NLRP14: variants seen among roughly 807,000 people sequenced by gnomAD.
NLRP14 encodes NACHT, LRR and PYD domains-containing protein 14.
In NLRP14, 105 loss-of-function variants were observed where a neutral mutation model predicts 94.7. That is an observed-to-expected ratio of 1.11 (90% CI 0.95 to 1.30). The LOEUF is 1.30. Among genes scored for constraint, NLRP14 ranks in the 50% most tolerant of loss-of-function variants. The probability of loss-of-function intolerance (pLI) is 0.00; values close to 1 mark genes in which losing one functional copy is unlikely to be tolerated. For synonymous variants in NLRP14, 508 were observed against 459.9 expected (o/e 1.10, Z -1.34); for missense variants, 1,362 against 1,254.1 (o/e 1.09, Z -1.30).
At chr11:7,066,279 G>A (rs573136195) in intron 10 of NLRP14, among the ~76,000 whole-genome samples, 14 of 152,200 alleles carry the variant, frequency 9.2e-5, no homozygotes, top group East Asian at 1.9e-4. Context: ...TTGAGGTATC[G>A]CCACACTGTC....
At chr11:7,036,235 T>C (rs1041853644) in intron 1 of NLRP14, among the ~76,000 whole-genome samples, 1 of 152,224 alleles carries the variant, frequency 6.6e-6, no homozygotes, top group Non-Finnish European at 1.5e-5. Flanking sequence ...TTTGAATGAA[T>C]GAATGCCTTC....
chr11:7,052,757 A>G (rs1852459096), intron 6 of NLRP14, among the ~76,000 whole-genome samples: 1 of 152,264 alleles, frequency 6.6e-6, no homozygotes, highest in African/African-American at 2.4e-5. Flanking sequence ...ATGGACCAAT[A>G]GAAATTTTTG....
rs1159568805 is a variant in NLRP14 at position 7,042,556 on chromosome 11, A to G, written c.530A>G (p.Gln177Arg). Residue 177 changes from glutamine to arginine, a missense_variant, in exon 4 of 12, where the codon CAG becomes CGG. Physicochemically the swap from Gln to Arg is conservative, Grantham distance 43 (BLOSUM62 1). Transcript: ENST00000299481. ...GATGTCAAAACCGGTGCACAGCCAC[A>G]GATCGTGGTGCTTCAGGGAGCTGCT... ...DVDVKTGAQP[Q>R]IVVLQGAAGV... The G allele has an allele frequency of 6.2e-7, 1 of 1,614,236 alleles. No individual in the cohort carries two copies.
chr11:7,055,072 CAT>C (rs749950130), intron 6 of NLRP14, among the ~76,000 whole-genome samples: 8 of 152,068 alleles, frequency 5.3e-5, no homozygotes, highest in Non-Finnish European at 8.8e-5. Context: ...TCCTTTCCAC[CAT>C]ATGTGTTCTT....
intron 10 of NLRP14, 79 bp from the exon 11 acceptor site, chr11:7,070,207 C>T (rs1184330450): frequency 9.8e-7 from 1 of 1,017,546 alleles, no homozygotes; most frequent in African/African-American, 1.6e-5. Context: ...ATCCTCCATT[C>T]TGAGTTCACA....
At chr11:7,052,222 G>T (rs1259165482) in intron 6 of NLRP14, among the ~76,000 whole-genome samples, 1 of 152,158 alleles carries the variant, frequency 6.6e-6, no homozygotes, top group East Asian at 1.9e-4. Context: ...AATGATTGTT[G>T]CTTCCACAAA....
chr11:7,026,143 A>G (rs1852011385), intron 1 of NLRP14, among the ~76,000 whole-genome samples: 1 of 152,240 alleles, frequency 6.6e-6, no homozygotes, highest in African/African-American at 2.4e-5. Flanking sequence ...ACAAAAGCCA[A>G]AATTGACAAA....
intron 1 of NLRP14, among the ~76,000 whole-genome samples, chr11:7,028,067 A>G (rs960172751): frequency 1.1e-4 from 17 of 152,010 alleles, no homozygotes; most frequent in Admixed American, 1.0e-3. Context: ...TCCCGGAATG[A>G]TCTTCCATGG....
chr11:7,071,437 T>C lies in NLRP14; in HGVS notation c.*129T>C. On this transcript the variant is annotated 3_prime_UTR_variant, in exon 12 of 12. Coordinates refer to ENST00000299481, the MANE Select transcript of NLRP14 (RefSeq NM_176822.4). ...GATAGTGCACTTGGCAGCTGTCAGA[T>C]ACCATTCATCTACTTCTCTGTAAAA... is the stretch of plus-strand genomic sequence containing the variant. 2 of 723,460 alleles carry C rather than the reference T, an allele frequency of 2.8e-6. No individual in the cohort carries two copies. The highest frequency in any genetic ancestry group is 4.8e-6 in the Non-Finnish European group (2 of 417,764). The allele number at this position is 723,460 out of a possible 1,614,324, so 44.8% of individuals were successfully genotyped here. A position where few individuals can be genotyped will look rare whatever the true frequency, so the allele number is the denominator to read the frequency against.
intron 11 of NLRP14, among the ~76,000 whole-genome samples, 188 bp from the exon 12 acceptor site, chr11:7,070,985 T>A (rs1056145262): frequency 1.3e-5 from 2 of 152,238 alleles, no homozygotes; most frequent in Admixed American, 1.3e-4. Context: ...TCTGTCTTCC[T>A]TCCACTACTT....
intron 3 of NLRP14, among the ~76,000 whole-genome samples, chr11:7,041,120 T>A (rs1329830718): frequency 1.3e-5 from 2 of 152,200 alleles, no homozygotes; most frequent in Non-Finnish European, 2.9e-5. Context: ...CTGTTTGAAT[T>A]ACTATAGTTT....
the NLRP14 span, among the ~76,000 whole-genome samples, chr11:7,079,045 A>C: frequency 0.63 from 95,654 of 152,050 alleles, 30,378 homozygotes; most frequent in East Asian, 0.78. Flanking sequence ...GTCTTAGGGA[A>C]TTATACCCTG....
Position 7,043,230 on chromosome 11 carries a change from T to C in NLRP14, c.1204T>C (p.Cys402Arg), listed in dbSNP as rs1852293041. The C allele has an allele frequency of 6.2e-7, 1 of 1,614,086 alleles. No homozygotes were observed. The highest frequency in any genetic ancestry group is 8.5e-7 in the Non-Finnish European group (1 of 1,180,030). ...TCQTTTALFTCYISSLFTPVD... is the reference protein window; with the variant it reads ...TCQTTTALFTRYISSLFTPVD... ...CCAAACAACCACAGCTCTGTTTACC[T>C]GCTATATTTCTAGCTTGTTCACACC... Residue 402 changes from cysteine to arginine, a missense_variant, in exon 4 of 12, where the codon TGC becomes CGC. Coordinates refer to ENST00000299481, the MANE Select transcript of NLRP14 (RefSeq NM_176822.4).
the NLRP14 span, chr11:7,088,963 C>T: frequency 1.7e-5 from 14 of 810,494 alleles, no homozygotes; most frequent in African/African-American, 3.4e-5. Flanking sequence ...GCAGCAGGGG[C>T]GCGCCCTGCA....
intron 6 of NLRP14, among the ~76,000 whole-genome samples, chr11:7,054,200 T>C (rs549451495): frequency 2.6e-5 from 4 of 152,316 alleles, no homozygotes; most frequent in African/African-American, 9.6e-5. Flanking sequence ...CTTTATCCAT[T>C]CACCTTTTGA....
the NLRP14 span, among the ~76,000 whole-genome samples, chr11:7,085,209 A>T: frequency 6.6e-6 from 1 of 152,234 alleles, no homozygotes; most frequent in Non-Finnish European, 1.5e-5. Context: ...TCACCATCTT[A>T]ACCTGTCTGG....
chr11:7,059,699 A>T (rs1852582571), intron 8 of NLRP14, among the ~76,000 whole-genome samples, 195 bp from the exon 9 acceptor site: 1 of 152,024 alleles, frequency 6.6e-6, no homozygotes, highest in East Asian at 1.9e-4. Flanking sequence ...ATGCTGAAGA[A>T]TATGAGTCTA....
chr11:7,022,852 C>T (rs1851965713), intron 1 of NLRP14, among the ~76,000 whole-genome samples: 2 of 152,150 alleles, frequency 1.3e-5, no homozygotes, highest in South Asian at 4.1e-4. Flanking sequence ...TTATTATCTG[C>T]CCCCTCTCTA....
intron 10 of NLRP14, among the ~76,000 whole-genome samples, chr11:7,064,748 C>T (rs1056402715): frequency 6.6e-6 from 1 of 152,064 alleles, no homozygotes; most frequent in African/African-American, 2.4e-5. Flanking sequence ...AATTAGGAAG[C>T]TTTGGAGCCT....
Sources: gnomAD v4.1 joint callset for allele counts (sites outside exome capture counted in the v4.1 genomes callset) on GRCh38, gnomAD v4.1.1 for gene constraint, MANE v1.5 for transcripts, NCBI Gene and HGNC (gene_info 2026-07-23, HGNC 2026-07-21) for gene names.